Variants in VWF observed in about 807,000 individuals in gnomAD.
VWF encodes the protein Factor VIII related antigen.
VWF carries 176 observed loss-of-function variants against 308.6 expected under a neutral mutation model. The ratio of observed to expected loss-of-function variants is 0.57; its 90% CI spans 0.50 to 0.65. The LOEUF (loss-of-function observed/expected upper bound fraction) is 0.65, where lower values mean the gene tolerates loss of function less well. Among genes scored for constraint, VWF ranks in the 30% least tolerant of loss-of-function variants. The pLI is 0.00. For synonymous variants in VWF, 1,385 were observed against 1,443.4 expected (o/e 0.96, Z 0.92); for missense variants, 3,146 against 3,648.2 (o/e 0.86, Z 3.55).
At chr12:6,026,297 T>A (rs1025455297) in intron 22 of VWF, among the ~76,000 whole-genome samples, 1 of 152,128 alleles carries the variant, frequency 6.6e-6, no homozygotes, top group Non-Finnish European at 1.5e-5. Context: ...AACATGCCCA[T>A]GTCACATAGT....
intron 6 of VWF, among the ~76,000 whole-genome samples, chr12:6,094,123 C>T (rs901429499): frequency 6.6e-6 from 1 of 152,212 alleles, no homozygotes; most frequent in African/African-American, 2.4e-5. Context: ...GACCTAGAGC[C>T]TCTGGAAGGA....
At chr12:6,120,929 G>A (rs1189898468) in intron 3 of VWF, among the ~76,000 whole-genome samples, 1 of 152,178 alleles carries the variant, frequency 6.6e-6, no homozygotes, top group Non-Finnish European at 1.5e-5. Context: ...GGGCCCCAGA[G>A]CAACGGACAC....
intron 3 of VWF, among the ~76,000 whole-genome samples, chr12:6,116,765 GC>G (rs1323848090): frequency 6.6e-6 from 1 of 152,186 alleles, no homozygotes; most frequent in African/African-American, 2.4e-5. Context: ...CAGGGGCCTC[GC>G]CTTGGCACCA....
chr12:6,042,413 C>G (rs1010884495), intron 18 of VWF, among the ~76,000 whole-genome samples: 5 of 152,194 alleles, frequency 3.3e-5, no homozygotes, highest in Non-Finnish European at 5.9e-5. Flanking sequence ...AGGCCCAGCT[C>G]CATTTTCTTT....
At position 6,075,238 on chromosome 12, in the gene VWF, C is replaced by T; in HGVS notation, c.874+97G>A. The T allele has an allele frequency of 6.7e-7, 1 of 1,491,652 alleles. No individual in the cohort carries two copies. Among genetic ancestry groups the T allele is most frequent in the Non-Finnish European group, 9.2e-7 (1 of 1,082,000 alleles). 92.4% of individuals were successfully genotyped at this position (1,491,652 alleles called of 1,614,324 possible). A position where few individuals can be genotyped will look rare whatever the true frequency, so the allele number is the denominator to read the frequency against. ...TGGCTGGCTGGGTGTGGTAAAGCCG[C>T]ACATACGTGACACAGCCCCGAAGCA... On this transcript the variant is annotated intron_variant, in intron 7 of 51. Transcript: ENST00000261405. The surrounding 1 kb of genome is among the most constrained non-coding windows in gnomAD (Gnocchi z 4.7).
Position 6,075,339 on chromosome 12 carries a change from CG to C in VWF, c.869del (p.Ala290GlyfsTer167). 1 of 1,613,962 alleles carries C rather than the reference CG, an allele frequency of 6.2e-7. No homozygotes were observed. Among genetic ancestry groups the C allele is most frequent in the Non-Finnish European group, 8.5e-7 (1 of 1,179,996 alleles). ...MVLYGWTDHS[A>X]CSPVCPAGME... ...CGGGGCAGGGGGCCGACTTACTGCA[CG>C]CGCTGTGGTCGGTCCAGCCGTACAG... On this transcript the variant is annotated frameshift_variant, in exon 7 of 52. Transcript: ENST00000261405. LOFTEE classifies it high-confidence loss of function. This position sits in a 1 kb window ranked among gnomAD's most constrained non-coding sequence, Gnocchi z 4.7.
chr12:6,111,313 C>G (rs374306577), intron 3 of VWF, among the ~76,000 whole-genome samples: 5 of 152,132 alleles, frequency 3.3e-5, no homozygotes, highest in African/African-American at 1.2e-4. Flanking sequence ...AGGCAGCAAA[C>G]AAAAAGGCAA....
intron 47 of VWF, among the ~76,000 whole-genome samples, chr12:5,958,958 G>C (rs1214523963): frequency 1.3e-5 from 2 of 152,246 alleles, no homozygotes; most frequent in African/African-American, 2.4e-5. Flanking sequence ...GCTCACACCT[G>C]TAATCCCAGC....
intron 6 of VWF, among the ~76,000 whole-genome samples, chr12:6,091,525 C>T (rs1945034850): frequency 6.6e-6 from 1 of 152,106 alleles, no homozygotes; most frequent in Admixed American, 6.6e-5. Context: ...TCCACAGAAA[C>T]ACATAATGAA....
rs536062672 is a variant in VWF at position 5,986,521 on chromosome 12, G to C, written c.6799-856C>G. Among the ~76,000 whole-genome samples the C allele has an allele frequency of 2.6e-5, 4 of 152,320 alleles. No individual in the cohort carries two copies. The South Asian group carries it at 8.3e-4, about 32-fold the overall frequency. On this transcript the variant is annotated intron_variant, in intron 38 of 51. Coordinates refer to ENST00000261405, the MANE Select transcript of VWF (RefSeq NM_000552.5). ...CTCAAAGGCCTCTAAGAAGTTCCCA[G>C]GTCAAGAAGGTCTTACTTATTACTT...
intron 6 of VWF, among the ~76,000 whole-genome samples, chr12:6,078,439 C>G (rs1944869142): frequency 6.6e-6 from 1 of 152,180 alleles, no homozygotes; most frequent in South Asian, 2.1e-4. Flanking sequence ...GCCATGCTGC[C>G]TACCCCATCA....
Position 6,036,442 on chromosome 12 carries a change from T to C in VWF, c.2492A>G (p.His831Arg), listed in dbSNP as rs1250869827. 18 of 1,614,096 alleles carry C rather than the reference T, an allele frequency of 1.1e-5. No individual in the cohort carries two copies. Among genetic ancestry groups the C allele is most frequent in the East Asian group, 1.1e-4 (5 of 44,896 alleles). ...CVALERCPCF[H>R]QGKEYAPGET... ...TCCAGGGGCATACTCCTTGCCCTGA[T>C]GGAAGCAGGGACACCTTTCCAGGGC... is the stretch of plus-strand genomic sequence containing the variant. The change falls in exon 19 of 52, where the codon CAT becomes CGT. Residue 831 changes from histidine (H) to arginine (R), a missense_variant. By Grantham distance (29) the His-to-Arg change is conservative (BLOSUM62 0). This residue lies in a region of VWF where 1,304 missense variants were observed against 1,353.0 expected (regional missense o/e 0.96). Coordinates refer to ENST00000261405, the MANE Select transcript of VWF (RefSeq NM_000552.5).
chr12:5,980,083 AAAGAAAGAAAGG>A (rs1180849983), intron 42 of VWF, among the ~76,000 whole-genome samples: 1 of 76,522 alleles, frequency 1.3e-5, no homozygotes, highest in Admixed American at 1.6e-4. Flanking sequence ...GAAAGAAAGA[AAAGAAAGAAAGG>A]AAGGAAGGAA....
intron 34 of VWF, among the ~76,000 whole-genome samples, chr12:5,997,048 C>T (rs1484255676): frequency 5.3e-5 from 8 of 152,126 alleles, no homozygotes; most frequent in South Asian, 2.1e-4. Flanking sequence ...GACACAGATT[C>T]GGTGGAGCAG....
At chr12:6,095,902 G>T (rs1945100706) in intron 5 of VWF, 2 of 376,668 alleles carry the variant, frequency 5.3e-6, no homozygotes, top group Non-Finnish European at 1.0e-5. Context: ...GAACACCTGG[G>T]CTCAAGCAAT....
At chr12:6,027,623 A>C (rs575051003) in intron 22 of VWF, among the ~76,000 whole-genome samples, 1 of 152,250 alleles carries the variant, frequency 6.6e-6, no homozygotes, top group African/African-American at 2.4e-5. Flanking sequence ...CCAGCGTTGA[A>C]TATGGAGGAT....
rs535850523 is a variant in VWF at position 6,025,723 on chromosome 12, G to A, written c.3109-30C>T. The A allele has an allele frequency of 6.5e-4, 841 of 1,292,584 alleles. 4 individuals are homozygous for A. In the African/African-American group the frequency reaches 0.011, roughly 17 times the overall value. 80.1% of individuals were successfully genotyped at this position (1,292,584 alleles called of 1,614,324 possible). A position where few individuals can be genotyped will look rare whatever the true frequency, so the allele number is the denominator to read the frequency against. Reference sequence around the variant, plus strand: ...GAACCAGGCAAGAGATAGGCCAGCCGTCAGCTGGTCAAACTGGGGTTATTC... The same window carrying A: ...GAACCAGGCAAGAGATAGGCCAGCCATCAGCTGGTCAAACTGGGGTTATTC... On this transcript the variant is annotated intron_variant, in intron 23 of 51. Coordinates refer to ENST00000261405, the MANE Select transcript of VWF (RefSeq NM_000552.5).
intron 8 of VWF, 48 bp from the exon 9 acceptor site, chr12:6,072,490 C>CA (rs1211062920): frequency 6.9e-7 from 1 of 1,445,648 alleles, no homozygotes; most frequent in South Asian, 1.2e-5. Flanking sequence ...GTCATTGCGT[C>CA]ACTCATCCCA....
intron 15 of VWF, among the ~76,000 whole-genome samples, chr12:6,055,765 C>CAA (rs1352571672): frequency 6.8e-6 from 1 of 146,256 alleles, no homozygotes; most frequent in African/African-American, 2.6e-5. Flanking sequence ...TATGTATACA[C>CAA]ACACACACAC....
Sources: gnomAD v4.1 joint callset for allele counts (sites outside exome capture counted in the v4.1 genomes callset) on GRCh38, gnomAD v4.1.1 for gene constraint, gnomAD v4.1.1 regional missense constraint, Gnocchi (gnomAD v3.1) non-coding constraint, MANE v1.5 for transcripts, NCBI Gene and HGNC (gene_info 2026-07-23, HGNC 2026-07-21) for gene names.